MTA2: variants seen among roughly 807,000 people sequenced by gnomAD.
The protein encoded by MTA2 is metastasis-associated protein MTA2.
In MTA2, 22 loss-of-function variants were observed where a neutral mutation model predicts 87.1. The observed-to-expected ratio is 0.25, with a 90% CI of 0.18 to 0.36. The LOEUF (loss-of-function observed/expected upper bound fraction) is 0.36, where lower values mean the gene tolerates loss of function less well. Ranked by LOEUF, MTA2 falls within the 10% of genes least tolerant of loss-of-function variation. The probability of loss-of-function intolerance (pLI) is 1.00; values close to 1 mark genes in which losing one functional copy is unlikely to be tolerated. For missense variants in MTA2, 542 were observed against 853.2 expected (o/e 0.64, Z 4.54); for synonymous variants, 314 against 310.1 (o/e 1.01, Z -0.13).
At chr11:62,599,309 G>C (rs565640810) in intron 3 of MTA2, 121 of 152,694 alleles carry the variant, frequency 7.9e-4, no homozygotes, top group African/African-American at 2.8e-3. Context: ...GAGAAGGGGG[G>C]GGTTGTGCAG....
chr11:62,601,497 C>T lies in MTA2; in HGVS notation c.-47G>A. 1 of 1,590,328 alleles carries T rather than the reference C, an allele frequency of 6.3e-7. No individual in the cohort carries two copies. The highest frequency in any genetic ancestry group is 2.3e-5 in the East Asian group (1 of 42,628). On this transcript the variant is annotated 5_prime_UTR_variant, in exon 1 of 18. Coordinates refer to ENST00000278823, the MANE Select transcript of MTA2 (RefSeq NM_004739.4). ...CGGCCGCACAAAGGGGTCCGGGAGG[C>T]TCGCGGGGGCAGGGCTCGGCTCGAG... is the stretch of plus-strand genomic sequence containing the variant.
rs531843358 is a variant in MTA2 at position 62,596,795 on chromosome 11, C to T, written c.724G>A (p.Gly242Ser). 9 of 1,608,974 alleles carry T rather than the reference C, an allele frequency of 5.6e-6. No individual in the cohort carries two copies. The Admixed American group carries it at 6.8e-5, about 12-fold the overall frequency. Reference sequence around the variant, plus strand: ...GACATGGCCTTAGCCAGGTCGTAGCCGTTCCTTTGCAAGGTATCCATGGCG... The same window carrying T: ...GACATGGCCTTAGCCAGGTCGTAGCTGTTCCTTTGCAAGGTATCCATGGCG... ...FHAMDTLQRN[G>S]YDLAKAMSTL... The change falls in exon 9 of 18, where the codon GGC becomes AGC. Residue 242 changes from glycine to serine, a missense_variant. By Grantham distance (56) the Gly-to-Ser change is moderately conservative. Around this residue, in one of 6 missense-constraint regions of MTA2, gnomAD observed 44 missense variants for 104.8 expected, o/e 0.42. Coordinates refer to ENST00000278823, the MANE Select transcript of MTA2 (RefSeq NM_004739.4).
intron 16 of MTA2, 42 bp from the exon 17 acceptor site, chr11:62,594,449 C>G: frequency 6.2e-7 from 1 of 1,613,880 alleles, no homozygotes; most frequent in Non-Finnish European, 8.5e-7. Context: ...AAGGGACCCT[C>G]TCAGACTCCT....
chr11:62,598,991 G>A (rs915507417), intron 3 of MTA2, among the ~76,000 whole-genome samples: 1 of 152,166 alleles, frequency 6.6e-6, no homozygotes, highest in African/African-American at 2.4e-5. Context: ...TGAGGTCCAG[G>A]AACTCAAGAT....
rs1420740675 is a variant in MTA2 at position 62,597,207 on chromosome 11, A to C, written c.693+109T>G. The C allele has an allele frequency of 2.7e-5, 17 of 619,368 alleles. No homozygotes were observed. The South Asian group carries it at 3.4e-4, about 12-fold the overall frequency. The allele number at this position is 619,368 out of a possible 1,614,324, so 38.4% of individuals were successfully genotyped here. The stretch of plus-strand genomic sequence containing the variant: ...CCTCTCAAAACAAAACAAAACAAAC[A>C]AAAAAAAAACACTCCCACTCCCTCA... On this transcript the variant is annotated intron_variant, in intron 8 of 17. Transcript: ENST00000278823.
intron 15 of MTA2, 105 bp downstream of exon 15, chr11:62,594,875 TA>T: frequency 9.3e-7 from 1 of 1,072,884 alleles, no homozygotes; most frequent in Non-Finnish European, 1.4e-6. Context: ...TTTGTTAGAC[TA>T]AATCTCTGAG....
chr11:62,594,612 T>C lies in MTA2; in HGVS notation c.1596A>G (p.Pro532=), dbSNP rs761979710. 9.3e-6 allele frequency: 15 copies of C among 1,614,026 alleles called. No homozygotes were observed. The highest frequency in any genetic ancestry group is 1.3e-5 in the Non-Finnish European group (15 of 1,180,030). The change falls in exon 16 of 18, where the codon CCA becomes CCG. Residue 532 remains proline, a synonymous_variant. Transcript: ENST00000278823. ...KDLVAQAPLK[P]KTPRGTKTPI... is the part of the protein sequence containing the mutation. ...GTGTCTTGGTACCCCGAGGTGTTTT[T>C]GGTTTCAGGGGTGCCTGGGCCACTG...
intron 2 of MTA2, 145 bp from the exon 3 acceptor site, chr11:62,600,404 C>A: frequency 2.4e-6 from 2 of 816,496 alleles, no homozygotes; most frequent in Non-Finnish European, 3.9e-6. Context: ...TAAAGACTTA[C>A]ATTCAAGGAT....
Position 62,598,142 on chromosome 11 carries a change from C to G in MTA2, c.373-1G>C, listed in dbSNP as rs1382363468. On this transcript the variant is annotated splice_acceptor_variant, in intron 5 of 17. Transcript: ENST00000278823. LOFTEE classifies it high-confidence loss of function. The stretch of plus-strand genomic sequence containing the variant: ...ACACCAGTGAGTAAAAAAAGCAGTC[C>G]TGGAATTGGGGAGAGACAAGGTAAG... The G allele has an allele frequency of 6.2e-7, 1 of 1,613,908 alleles. No homozygotes were observed.
In MTA2 at chr11:62,594,530, G is replaced by A. The variant is rs750362468; in HGVS notation, c.1678C>T (p.Arg560Trp). The A allele has an allele frequency of 1.4e-5, 23 of 1,613,886 alleles. No individual in the cohort carries two copies. The highest frequency in any genetic ancestry group is 1.9e-5 in the Non-Finnish European group (23 of 1,179,960). Residue 560 changes from arginine to tryptophan, a missense_variant, in exon 16 of 18, where the codon CGG becomes TGG. Physicochemically the swap from Arg to Trp is moderately radical, Grantham distance 101 (BLOSUM62 -3). Around this residue, in one of 6 missense-constraint regions of MTA2, gnomAD observed 269 missense variants for 346.4 expected, o/e 0.78. Coordinates refer to ENST00000278823, the MANE Select transcript of MTA2 (RefSeq NM_004739.4). The stretch of plus-strand genomic sequence containing the variant: ...TGTCAACTCACAGTCTCATAGGCCC[G>A]TTTCACCATAATGCCCCCCAGTCCC... ...NRGLGGIMVKRAYETMAGAGV... is the reference protein window; with the variant it reads ...NRGLGGIMVKWAYETMAGAGV...
At chr11:62,600,449 A>T in intron 2 of MTA2, 173 bp downstream of exon 2, 1 of 797,742 alleles carries the variant, frequency 1.3e-6, no homozygotes, top group Non-Finnish European at 2.0e-6. Flanking sequence ...CCCCCAAGAG[A>T]CAGAATAGTA....
chr11:62,598,225 G>A lies in MTA2; in HGVS notation c.373-84C>T, dbSNP rs112224522. 5.0e-5 allele frequency: 78 copies of A among 1,555,252 alleles called. 1 individual carries two copies. Among genetic ancestry groups the A allele is most frequent in the African/African-American group, 3.4e-4 (25 of 73,728 alleles). ...GAGGTGTATCTGAGTTTCCATGACC[G>A]GCAGTCTGGCAACCCTGTACCTCAT... is the stretch of plus-strand genomic sequence containing the variant. On this transcript the variant is annotated intron_variant, in intron 5 of 17. Transcript: ENST00000278823.
At position 62,601,457 on chromosome 11, in the gene MTA2, TC is replaced by T; in HGVS notation, c.-8del. 1 of 1,608,832 alleles carries T rather than the reference TC, an allele frequency of 6.2e-7. No individual in the cohort carries two copies. Among genetic ancestry groups the T allele is most frequent in the Non-Finnish European group, 8.5e-7 (1 of 1,178,150 alleles). ...GGTACATGTTGGCCGCCATGGCCGT[TC>T]CCGCCGCCGCCTCCGGCCGCACAAA... On this transcript the variant is annotated 5_prime_UTR_variant, in exon 1 of 18. Transcript: ENST00000278823.
At chr11:62,597,530 G>C in intron 7 of MTA2, 80 bp downstream of exon 7, 1 of 1,502,248 alleles carries the variant, frequency 6.7e-7, no homozygotes, top group Non-Finnish European at 9.2e-7. Context: ...AAGAAATAAA[G>C]TCCATCTCTA....
rs1480848985 is a variant in MTA2, at chr11:62,600,178, C to T, written c.178G>A (p.Asp60Asn). Residue 60 changes from aspartate to asparagine, a missense_variant, in exon 3 of 18, where the codon GAT (aspartate) becomes AAT (asparagine). Asp to Asn is a conservative substitution (Grantham distance 23). Around this residue, in one of 6 missense-constraint regions of MTA2, gnomAD observed 150 missense variants for 243.9 expected, o/e 0.62. Transcript: ENST00000278823. ...GGAAGATACTCACTGGCATTACTAT[C>T]AGCCAGGCTGTTGAGGCTACTAGAA... ...DISSSLNSLA[D>N]SNAREFEEES... 5 of 1,613,936 alleles carry T rather than the reference C, an allele frequency of 3.1e-6. No homozygotes were observed. The highest frequency in any genetic ancestry group is 8.5e-7 in the Non-Finnish European group (1 of 1,179,810).
Position 62,595,321 on chromosome 11 carries a change from T to C in MTA2, c.1426A>G (p.Arg476Gly). 1 of 1,614,222 alleles carries C rather than the reference T, an allele frequency of 6.2e-7. No homozygotes were observed. The highest frequency in any genetic ancestry group is 1.1e-5 in the South Asian group (1 of 91,092). Residue 476 changes from arginine (R) to glycine (G), a missense_variant, in exon 14 of 18, where the codon AGG (arginine) becomes GGG (glycine). Transcript: ENST00000278823. The surrounding 1 kb of genome is among the most constrained non-coding windows in gnomAD (Gnocchi z 4.9). Reference sequence around the variant, plus strand: ...GCATAAGGCCGTCGGGCGGCCCTCCTTGGCTGTAATAGGTCCCTGCACATG... The same window carrying C: ...GCATAAGGCCGTCGGGCGGCCCTCCCTGGCTGTAATAGGTCCCTGCACATG... ...RRMCRDLLQP[R>G]RAARRPYAPI...
At chr11:62,594,218 T>C in intron 17 of MTA2, 41 bp downstream of exon 17, 1 of 1,612,664 alleles carries the variant, frequency 6.2e-7, no homozygotes, top group Non-Finnish European at 8.5e-7. Context: ...CTCACCAGCC[T>C]GGACTGTCCC....
At position 62,594,638 on chromosome 11, in the gene MTA2, G is replaced by C; in HGVS notation, c.1574-4C>G. 6.2e-7 allele frequency: 1 copy of C among 1,611,322 alleles called. No homozygotes were observed. Among genetic ancestry groups the C allele is most frequent in the Admixed American group, 1.7e-5 (1 of 59,514 alleles). Reference sequence around the variant, plus strand: ...GGTTTCAGGGGTGCCTGGGCCACTGGAAAAAAACAGAAAACTTTCGCACCT... The same window carrying C: ...GGTTTCAGGGGTGCCTGGGCCACTGCAAAAAAACAGAAAACTTTCGCACCT... On this transcript the variant is annotated splice_polypyrimidine_tract_variant and splice_region_variant and intron_variant, in intron 15 of 17. Transcript: ENST00000278823.
chr11:62,597,739 A>G (rs1281083176), intron 6 of MTA2, 27 bp from the exon 7 acceptor site: 3 of 1,590,714 alleles, frequency 1.9e-6, no homozygotes, highest in Admixed American at 3.3e-5. Flanking sequence ...TGGCATCAAC[A>G]GGGAGAGGGC....
Sources: allele counts gnomAD v4.1 joint callset (sites outside exome capture counted in the v4.1 genomes callset), GRCh38; gene constraint gnomAD v4.1.1; regional missense constraint gnomAD v4.1.1; non-coding constraint Gnocchi (gnomAD v3.1); transcripts MANE v1.5; gene names NCBI Gene and HGNC (gene_info 2026-07-23, HGNC 2026-07-21).